The following STK25 variants were observed in gnomAD, a reference collection of about 807,000 sequenced individuals.
STK25 encodes serine/threonine-protein kinase 25.
A neutral mutation model predicts 53.8 loss-of-function variants in STK25; 29 were observed. The observed-to-expected ratio is 0.54, with a 90% confidence interval of 0.40 to 0.74. The LOEUF is 0.74. Among genes scored for constraint, STK25 ranks in the 30% least tolerant of loss-of-function variants. The pLI, the probability that STK25 is intolerant of heterozygous loss-of-function variation, is 0.00. For missense variants in STK25, 420 were observed against 568.0 expected (o/e 0.74, Z 2.65); for synonymous variants, 247 against 238.3 (o/e 1.04, Z -0.33).
Position 241,498,993 on chromosome 2 carries a change from C to G in STK25, c.767G>C (p.Arg256Pro). ...CGGGCCAGAGGCGGGCCTTACGAAT[C>G]GGGGGTCTTTGTTGAGGCAGGCCTC... The part of the protein sequence containing the change: ...FVEACLNKDP[R>P]FRPTAKELLK... The change falls in exon 7 of 12, where the codon CGA becomes CCA. Residue 256 changes from arginine (R) to proline (P), a missense_variant. Arg to Pro is a moderately radical substitution (Grantham distance 103). Coordinates refer to ENST00000316586, the MANE Select transcript of STK25 (RefSeq NM_001271977.2). 6.2e-7 allele frequency: 1 copy of G among 1,613,704 alleles called. No homozygotes were observed. Among genetic ancestry groups the G allele is most frequent in the Non-Finnish European group, 8.5e-7 (1 of 1,179,808 alleles).
At chr2:241,507,574 C>A (rs1367472734) in intron 2 of STK25, among the ~76,000 whole-genome samples, 1 of 152,252 alleles carries the variant, frequency 6.6e-6, no homozygotes, top group Non-Finnish European at 1.5e-5. Flanking sequence ...CCGCCAGGGT[C>A]TCCCCTACAG....
At chr2:241,505,537 C>T (rs1323815553) in intron 2 of STK25, among the ~76,000 whole-genome samples, 1 of 152,224 alleles carries the variant, frequency 6.6e-6, no homozygotes, top group Non-Finnish European at 1.5e-5. Context: ...CGTCCTCCCG[C>T]CCTGCTCTAC....
At chr2:241,498,501 C>A in intron 8 of STK25, 138 bp downstream of exon 8, 6 of 1,297,624 alleles carry the variant, frequency 4.6e-6, no homozygotes, top group Admixed American at 4.8e-5. Context: ...CAGGCCCTGT[C>A]CTGCAGCCTT....
chr2:241,501,115 C>T lies in STK25; in HGVS notation c.262-319G>A. The T allele has an allele frequency of 1.8e-6, 1 of 553,240 alleles. No homozygotes were observed. The highest frequency in any genetic ancestry group is 3.3e-6 in the Non-Finnish European group (1 of 306,926). The allele number at this position is 553,240 out of a possible 1,614,324, so 34.3% of individuals were successfully genotyped here. A position where few individuals can be genotyped will look rare whatever the true frequency, so the allele number is the denominator to read the frequency against. On this transcript the variant is annotated intron_variant, in intron 3 of 11. Coordinates refer to ENST00000316586, the MANE Select transcript of STK25 (RefSeq NM_001271977.2). The surrounding 1 kb of genome is among the most constrained non-coding windows in gnomAD (Gnocchi z 5.3). ...CATGGCTGGCAAGCATGTGACCCGACACACCCATCACCCTCCTGGGCAGGA... is the reference window on the plus strand; with the variant it reads ...CATGGCTGGCAAGCATGTGACCCGATACACCCATCACCCTCCTGGGCAGGA...
At chr2:241,500,699 G>T in intron 4 of STK25, 41 bp downstream of exon 4, 1 of 1,604,324 alleles carries the variant, frequency 6.2e-7, no homozygotes, top group Non-Finnish European at 8.5e-7. Context: ...CAGGGGACTC[G>T]GACACTGCAT....
At chr2:241,509,484 C>T (rs2066038592), upstream of STK25, 2 of 152,442 alleles carry the variant, frequency 1.3e-5, no homozygotes, top group East Asian at 1.9e-4. Context: ...ATTTGTCCCT[C>T]CTGCATACTG....
At chr2:241,497,357 G>C (rs925471580) in intron 10 of STK25, 3 of 489,938 alleles carry the variant, frequency 6.1e-6, no homozygotes, top group Non-Finnish European at 3.7e-6. Context: ...TTTCTCTATA[G>C]AAGGATCATC....
At position 241,492,686 on chromosome 2, in the gene STK25, G is replaced by A. The variant is rs780143830; in HGVS notation, c.*2976C>T. 6.5e-6 allele frequency: 3 copies of A among 464,374 alleles called. No homozygotes were observed. Among genetic ancestry groups the A allele is most frequent in the Non-Finnish European group, 1.2e-5 (3 of 259,430 alleles). 28.8% of individuals were successfully genotyped at this position (464,374 alleles called of 1,614,324 possible). A position where few individuals can be genotyped will look rare whatever the true frequency, so the allele number is the denominator to read the frequency against. The stretch of plus-strand genomic sequence containing the variant: ...TGTGGATGGTTGGTTACTGAACACT[G>A]ACTTTATTGTGCACAGGGAAAGGGA... On this transcript the variant is annotated 3_prime_UTR_variant, in exon 12 of 12. Transcript: ENST00000316586.
Position 241,500,810 on chromosome 2 carries a change from C to CA in STK25, c.262-15dup, listed in dbSNP as rs1559836154. On this transcript the variant is annotated splice_polypyrimidine_tract_variant and intron_variant, in intron 3 of 11. Transcript: ENST00000316586. ...TAGCTTGGTGCTCTGGGACCGGAGA[C>CA]AAACCCATCAGCATTTGGCAGCAAG... is the stretch of plus-strand genomic sequence containing the variant. The CA allele has an allele frequency of 1.9e-6, 3 of 1,613,102 alleles. No individual in the cohort carries two copies. The highest frequency in any genetic ancestry group is 2.5e-6 in the Non-Finnish European group (3 of 1,179,662).
Position 241,498,740 on chromosome 2 carries a change from G to T in STK25, c.816C>A (p.Arg272=), listed in dbSNP as rs1252474937. Residue 272 remains arginine, a synonymous_variant, in exon 8 of 12, where the codon CGC becomes CGA. Transcript: ENST00000316586. The part of the protein sequence containing the change: ...KELLKHKFIT[R]YTKKTSFLTE... Reference sequence around the variant, plus strand: ...TGAGGAAGGAGGTCTTCTTGGTGTAGCGTGTGATGAACTTGTGCTTCAGGA... The same window carrying T: ...TGAGGAAGGAGGTCTTCTTGGTGTATCGTGTGATGAACTTGTGCTTCAGGA... The T allele has an allele frequency of 1.2e-6, 2 of 1,614,178 alleles. No individual in the cohort carries two copies. The highest frequency in any genetic ancestry group is 2.2e-5 in the South Asian group (2 of 91,090).
chr2:241,497,311 C>G (rs2065233596), intron 10 of STK25: 1 of 334,220 alleles, frequency 3.0e-6, no homozygotes, highest in African/African-American at 2.1e-5. Context: ...AGGGCGGCAC[C>G]TGCCCGGGGA....
chr2:241,500,365 G>C (rs986554503), intron 4 of STK25, 84 bp from the exon 5 acceptor site: 6 of 950,560 alleles, frequency 6.3e-6, no homozygotes, highest in Admixed American at 3.9e-5. Flanking sequence ...ACAGGGAAGG[G>C]CTGTCCCTGC....
rs776692602 is a variant in STK25 at position 241,494,164 on chromosome 2, C to G, written c.*1498G>C. 2 of 1,278,756 alleles carry G rather than the reference C, an allele frequency of 1.6e-6. No individual in the cohort carries two copies. Among genetic ancestry groups the G allele is most frequent in the African/African-American group, 3.1e-5 (2 of 63,918 alleles). The allele number at this position is 1,278,756 out of a possible 1,614,324, so 79.2% of individuals were successfully genotyped here. A position where few individuals can be genotyped will look rare whatever the true frequency, so the allele number is the denominator to read the frequency against. On this transcript the variant is annotated 3_prime_UTR_variant, in exon 12 of 12. Transcript: ENST00000316586. The surrounding 1 kb of genome is among the most constrained non-coding windows in gnomAD (Gnocchi z 4.9). ...CAGGTTTGGACACAACTACAAAGAACAGCAGGACACAGAGGTGACCTCTGT... is the reference window on the plus strand; with the variant it reads ...CAGGTTTGGACACAACTACAAAGAAGAGCAGGACACAGAGGTGACCTCTGT...
chr2:241,502,627 T>C (rs35277825), intron 2 of STK25, among the ~76,000 whole-genome samples: 1 of 152,066 alleles, frequency 6.6e-6, no homozygotes, highest in African/African-American at 2.4e-5. Flanking sequence ...TGATCCGAGC[T>C]ACTTGAGAGT....
intron 2 of STK25, among the ~76,000 whole-genome samples, chr2:241,503,696 C>CAAAA (rs60021706): frequency 1.0e-5 from 1 of 100,274 alleles, no homozygotes; most frequent in African/African-American, 3.8e-5. Flanking sequence ...GACTCCGTCT[C>CAAAA]AAAAAAAAAA....
chr2:241,508,755 T>G (rs1446644320), upstream of STK25: 5 of 985,100 alleles, frequency 5.1e-6, no homozygotes, highest in Non-Finnish European at 6.0e-6. Context: ...CGAGGCTCTC[T>G]GGGACCCCTA....
At position 241,498,659 on chromosome 2, in the gene STK25, G is replaced by A; in HGVS notation, c.897C>T (p.Ser299=). 1 of 1,613,916 alleles carries A rather than the reference G, an allele frequency of 6.2e-7. No homozygotes were observed. The highest frequency in any genetic ancestry group is 8.5e-7 in the Non-Finnish European group (1 of 1,179,920). The part of the protein sequence containing the change: ...RWKSEGHGEE[S]SSEDSDIDGE... ...CCTACATGTCAGAGTCCTCAGAGCTGGACTCCTCGCCATGCCCCTCTGACT... is the reference window on the plus strand; with the variant it reads ...CCTACATGTCAGAGTCCTCAGAGCTAGACTCCTCGCCATGCCCCTCTGACT... Residue 299 remains serine, a synonymous_variant, in exon 8 of 12, where the codon TCC becomes TCT. Coordinates refer to ENST00000316586, the MANE Select transcript of STK25 (RefSeq NM_001271977.2).
Position 241,494,614 on chromosome 2 carries a change from T to A in STK25, c.*1048A>T, listed in dbSNP as rs1311982223. On this transcript the variant is annotated 3_prime_UTR_variant, in exon 12 of 12. Coordinates refer to ENST00000316586, the MANE Select transcript of STK25 (RefSeq NM_001271977.2). This position sits in a 1 kb window ranked among gnomAD's most constrained non-coding sequence, Gnocchi z 4.9. ...CTGACCTTCCATCTGGTGAACCAAG[T>A]GGCAGCCCCAGGGGCCTGCCCTGCA... 6.6e-6 allele frequency: 1 copy of A among 152,298 alleles called. No homozygotes were observed. The highest frequency in any genetic ancestry group is 6.5e-5 in the Admixed American group (1 of 15,286). The allele number at this position is 152,298 out of a possible 1,614,324, so 9.4% of individuals were successfully genotyped here. A position where few individuals can be genotyped will look rare whatever the true frequency, so the allele number is the denominator to read the frequency against.
upstream of STK25, chr2:241,508,615 G>A (rs1249796026): frequency 5.1e-6 from 5 of 986,750 alleles, no homozygotes; most frequent in Non-Finnish European, 6.0e-6. Context: ...GGTGCTCGGC[G>A]TCGCGGCCCG....
Sources: allele counts gnomAD v4.1 joint callset (sites outside exome capture counted in the v4.1 genomes callset), GRCh38; gene constraint gnomAD v4.1.1; non-coding constraint Gnocchi (gnomAD v3.1); transcripts MANE v1.5; gene names NCBI Gene and HGNC (gene_info 2026-07-23, HGNC 2026-07-21).